Variants in CNGB3 observed in about 807,000 individuals in gnomAD.
CNGB3 encodes cyclic nucleotide gated channel subunit beta 3.
A neutral mutation model predicts 92.8 loss-of-function variants in CNGB3; 86 were observed. The ratio of observed to expected loss-of-function variants is 0.93; its 90% CI spans 0.78 to 1.11. The LOEUF (loss-of-function observed/expected upper bound fraction) is 1.11, where lower values mean the gene tolerates loss of function less well. Ranked by LOEUF, CNGB3 falls within the 50% of genes least tolerant of loss-of-function variation. The pLI is 0.00. For missense variants in CNGB3, 1,026 were observed against 956.8 expected, an observed-to-expected ratio of 1.07 and a Z score of -0.95; for synonymous variants, 333 against 332.7, an observed-to-expected ratio of 1.00 and a Z score of -0.01.
chr8:86,687,492 T>C (rs1824212339), intron 3 of CNGB3, among the ~76,000 whole-genome samples: 1 of 151,996 alleles, frequency 6.6e-6, no homozygotes, highest in Non-Finnish European at 1.5e-5. Flanking sequence ...GACAAGTTCA[T>C]AGAGACAAAA....
intron 12 of CNGB3, among the ~76,000 whole-genome samples, chr8:86,626,973 T>C (rs1329082145): frequency 6.6e-6 from 1 of 152,096 alleles, no homozygotes; most frequent in Non-Finnish European, 1.5e-5. Context: ...TAGTACCTAT[T>C]CATCGTTTTT....
rs534776194 is a variant in CNGB3, at chr8:86,614,633, T to C, written c.1579-2962A>G. Among the ~76,000 whole-genome samples the C allele has an allele frequency of 5.3e-5, 8 of 152,180 alleles. No homozygotes were observed. In the East Asian group the frequency reaches 1.5e-3, roughly 29 times the overall value. On this transcript the variant is annotated intron_variant, in intron 13 of 17. Coordinates refer to ENST00000320005, the MANE Select transcript of CNGB3 (RefSeq NM_019098.5). ...ATCCAAACCTAACTTTTTTTTCCAG[T>C]AGAGGGTTTTCCTAGGGAGTGGCTA... is the stretch of plus-strand genomic sequence containing the variant.
At chr8:86,639,126 G>A (rs552835938) in intron 10 of CNGB3, among the ~76,000 whole-genome samples, 10 of 151,568 alleles carry the variant, frequency 6.6e-5, no homozygotes, top group Non-Finnish European at 1.5e-4. Flanking sequence ...ATCAACTAAA[G>A]TCAATAATTC....
intron 15 of CNGB3, among the ~76,000 whole-genome samples, chr8:86,600,893 G>A (rs4268141): frequency 2.7e-5 from 4 of 149,282 alleles, no homozygotes; most frequent in African/African-American, 1.0e-4. Flanking sequence ...GCCTCCCAAC[G>A]TGTTGGGATT....
In CNGB3 at chr8:86,574,503, A is replaced by G. The variant is rs1346604095; in HGVS notation, c.*1301T>C. ...CACTACATGCAAAAACGGTGACTCT[A>G]TCAAATGATGCAGTTTATTATAGTG... On this transcript the variant is annotated 3_prime_UTR_variant, in exon 18 of 18. Coordinates refer to ENST00000320005, the MANE Select transcript of CNGB3 (RefSeq NM_019098.5). The G allele has an allele frequency of 6.6e-6, 1 of 152,244 alleles. No homozygotes were observed. The highest frequency in any genetic ancestry group is 1.5e-5 in the Non-Finnish European group (1 of 68,042). The allele number at this position is 152,244 out of a possible 1,614,324, so 9.4% of individuals were successfully genotyped here. A position where few individuals can be genotyped will look rare whatever the true frequency, so the allele number is the denominator to read the frequency against.
chr8:86,639,587 G>C (rs1384489599), intron 10 of CNGB3, among the ~76,000 whole-genome samples: 2 of 151,892 alleles, frequency 1.3e-5, no homozygotes, highest in Non-Finnish European at 2.9e-5. Flanking sequence ...TCAATTTATA[G>C]GTCACCAGGA....
At chr8:86,669,268 C>T (rs1055927375) in intron 4 of CNGB3, among the ~76,000 whole-genome samples, 8 of 151,914 alleles carry the variant, frequency 5.3e-5, no homozygotes, top group Admixed American at 3.9e-4. Context: ...TAAAGACATT[C>T]TCACATTAAA....
Position 86,643,731 on chromosome 8 carries a change from C to A in CNGB3, c.1178+20G>T, listed in dbSNP as rs768096140. ...TGTTAAAAATAATCAATAAAGGTTT[C>A]TTTCAAAATCAGAACTTACTCGTTT... is the stretch of plus-strand genomic sequence containing the variant. On this transcript the variant is annotated intron_variant, in intron 10 of 17. Transcript: ENST00000320005. 1.2e-5 allele frequency: 20 copies of A among 1,602,246 alleles called. No homozygotes were observed. The highest frequency in any genetic ancestry group is 1.6e-5 in the Non-Finnish European group (19 of 1,172,328).
At chr8:86,701,343 A>T (rs567995685) in intron 3 of CNGB3, among the ~76,000 whole-genome samples, 12 of 152,186 alleles carry the variant, frequency 7.9e-5, no homozygotes, top group Admixed American at 3.3e-4. Context: ...AATTTATGGA[A>T]TTTAATTTCT....
chr8:86,591,715 G>A (rs541232604), intron 15 of CNGB3, among the ~76,000 whole-genome samples: 37 of 152,224 alleles, frequency 2.4e-4, no homozygotes, highest in East Asian at 1.5e-3. Flanking sequence ...CTCCAGCTGC[G>A]TACTGGGAGA....
intron 10 of CNGB3, among the ~76,000 whole-genome samples, chr8:86,638,919 T>A (rs1471401910): frequency 6.6e-6 from 1 of 151,840 alleles, no homozygotes; most frequent in Non-Finnish European, 1.5e-5. Context: ...ATCCTCCCTC[T>A]TCCTCTCCCT....
chr8:86,628,824 C>A, intron 12 of CNGB3, 95 bp downstream of exon 12: 3 of 1,350,464 alleles, frequency 2.2e-6, no homozygotes, highest in Non-Finnish European at 3.2e-6. Flanking sequence ...GTTTTTCAAC[C>A]TTTTGTTCAA....
intron 5 of CNGB3, 69 bp downstream of exon 5, chr8:86,667,950 A>G: frequency 6.5e-7 from 1 of 1,537,532 alleles, no homozygotes; most frequent in South Asian, 1.1e-5. Flanking sequence ...GCTATCTGTG[A>G]CTTTGAGTCA....
intron 14 of CNGB3, among the ~76,000 whole-genome samples, chr8:86,611,088 G>A (rs1822510050): frequency 1.3e-5 from 2 of 152,084 alleles, no homozygotes; most frequent in Admixed American, 1.3e-4. Context: ...TTGGATGGTG[G>A]TATTTATGTC....
At chr8:86,707,413 G>C (rs1824670308) in intron 3 of CNGB3, 1 of 152,268 alleles carries the variant, frequency 6.6e-6, no homozygotes, top group Non-Finnish European at 1.5e-5. Context: ...GTCAGAAAAG[G>C]CCTCTCCAGG....
intron 3 of CNGB3, among the ~76,000 whole-genome samples, chr8:86,701,794 C>T (rs1298238981): frequency 2.0e-5 from 3 of 151,982 alleles, no homozygotes; most frequent in African/African-American, 7.2e-5. Context: ...TATTTTTATA[C>T]TCATTTGTTA....
intron 3 of CNGB3, among the ~76,000 whole-genome samples, chr8:86,715,735 A>G (rs1824839824): frequency 2.0e-5 from 3 of 150,500 alleles, no homozygotes; most frequent in South Asian, 4.2e-4. Flanking sequence ...TCCAACTTAA[A>G]GAAATAAAAA....
intron 15 of CNGB3, among the ~76,000 whole-genome samples, chr8:86,585,079 A>G (rs557117212): frequency 6.6e-6 from 1 of 152,292 alleles, no homozygotes; most frequent in East Asian, 1.9e-4. Flanking sequence ...AAGAAATAGT[A>G]CTAGTGTGCC....
intron 10 of CNGB3, among the ~76,000 whole-genome samples, chr8:86,640,512 G>A (rs771595441): frequency 6.6e-6 from 1 of 152,042 alleles, no homozygotes; most frequent in Non-Finnish European, 1.5e-5. Context: ...AACCTTTAGA[G>A]GGAAAGTAAC....
Sources: allele counts gnomAD v4.1 joint callset (sites outside exome capture counted in the v4.1 genomes callset), GRCh38; gene constraint gnomAD v4.1.1; transcripts MANE v1.5; gene names NCBI Gene and HGNC (gene_info 2026-07-23, HGNC 2026-07-21).